Variants in RAP1GAP2 observed in about 807,000 individuals in gnomAD.
RAP1GAP2 encodes the protein RAP1 GTPase activating protein 2.
Under a neutral mutation model 95.0 loss-of-function variants are expected in RAP1GAP2, and 27 were observed. That is an observed-to-expected ratio of 0.28 (90% confidence interval 0.21 to 0.39). RAP1GAP2 has a LOEUF of 0.39. Among genes scored for constraint, RAP1GAP2 ranks in the 10% least tolerant of loss-of-function variants. The pLI is 1.00. For synonymous variants in RAP1GAP2, 373 were observed against 380.9 expected, an observed-to-expected ratio of 0.98 and a Z score of 0.24; for missense variants, 771 against 970.0, an observed-to-expected ratio of 0.79 and a Z score of 2.72.
chr17:2,961,642 C>T (rs2151482548), intron 4 of RAP1GAP2, among the ~76,000 whole-genome samples: 1 of 152,348 alleles, frequency 6.6e-6, no homozygotes, highest in Middle Eastern at 3.4e-3. Flanking sequence ...TCCTTGCAGT[C>T]ATCCTTCCAT....
At chr17:2,774,798 C>T (rs1348995476), upstream of RAP1GAP2, among the ~76,000 whole-genome samples, 2 of 147,676 alleles carry the variant, frequency 1.4e-5, no homozygotes, top group Non-Finnish European at 3.0e-5. Context: ...AGCCACCATA[C>T]CTGGCCTCCC....
At chr17:2,770,086 A>C (rs1271061822) in intron 1 of RAP1GAP2, among the ~76,000 whole-genome samples, 2 of 150,618 alleles carry the variant, frequency 1.3e-5, no homozygotes, top group Non-Finnish European at 2.9e-5. Flanking sequence ...ACAAAAAAAA[A>C]AAAAAAAAGA....
intron 3 of RAP1GAP2, among the ~76,000 whole-genome samples, chr17:2,905,932 A>C (rs2151732959): frequency 6.6e-6 from 1 of 152,296 alleles, no homozygotes; most frequent in South Asian, 2.1e-4. Context: ...CCTGGACGGG[A>C]GCCGAGGGAG....
chr17:2,912,833 G>C (rs2042434840), intron 3 of RAP1GAP2, among the ~76,000 whole-genome samples: 1 of 152,174 alleles, frequency 6.6e-6, no homozygotes, highest in Admixed American at 6.5e-5. Flanking sequence ...GCATGAGGAA[G>C]GGCTTATTTG....
At chr17:2,829,659 G>A (rs1337199118) in intron 2 of RAP1GAP2, among the ~76,000 whole-genome samples, 4 of 152,200 alleles carry the variant, frequency 2.6e-5, no homozygotes, top group East Asian at 1.9e-4. Context: ...CCTATACTCC[G>A]TGCTCTGTGA....
At chr17:2,849,460 TC>T (rs1244675334) in intron 2 of RAP1GAP2, among the ~76,000 whole-genome samples, 1 of 152,222 alleles carries the variant, frequency 6.6e-6, no homozygotes, top group East Asian at 1.9e-4. Context: ...TGGAGCCGGT[TC>T]CCAGGCACAG....
At position 2,801,140 on chromosome 17, in the gene RAP1GAP2, G is replaced by A. The variant is rs368122220; in HGVS notation, c.80+590G>A. 9.9e-5 allele frequency among the ~76,000 whole-genome samples: 15 copies of A among 151,216 alleles called. 1 individual carries two copies. The highest frequency in any genetic ancestry group is 5.9e-4 in the Admixed American group (9 of 15,234). ...TGGGATTATAGGCGTGAGCCACTGC[G>A]CCTAGCCCAGACCCATTATCTTCCT... On this transcript the variant is annotated intron_variant, in intron 2 of 24. Coordinates refer to ENST00000254695, the MANE Select transcript of RAP1GAP2 (RefSeq NM_015085.5).
chr17:2,846,806 A>G (rs1318300130), intron 2 of RAP1GAP2, among the ~76,000 whole-genome samples: 1 of 152,116 alleles, frequency 6.6e-6, no homozygotes, highest in Non-Finnish European at 1.5e-5. Flanking sequence ...ACTGCAGCAT[A>G]TGTATTTTTA....
At chr17:2,889,566 G>C (rs1190904713) in intron 2 of RAP1GAP2, among the ~76,000 whole-genome samples, 1 of 152,106 alleles carries the variant, frequency 6.6e-6, no homozygotes, top group African/African-American at 2.4e-5. Flanking sequence ...GCCATGGCCA[G>C]ATTCCAGTAT....
At chr17:2,775,885 A>G (rs9901621), upstream of RAP1GAP2, among the ~76,000 whole-genome samples, 46,990 of 152,030 alleles carry the variant, frequency 0.31, 7,469 homozygotes, top group Non-Finnish European at 0.35. Flanking sequence ...GAGTGCATGA[A>G]TGAAAGTTCC....
intron 2 of RAP1GAP2, among the ~76,000 whole-genome samples, chr17:2,834,829 C>T (rs2151555726): frequency 6.6e-6 from 1 of 152,190 alleles, no homozygotes; most frequent in Non-Finnish European, 1.5e-5. Flanking sequence ...ATCTGGTCCT[C>T]TGCCTCAGTT....
intron 8 of RAP1GAP2, among the ~76,000 whole-genome samples, chr17:2,971,244 A>G (rs79722763): frequency 0.055 from 8,309 of 152,330 alleles, 646 homozygotes; most frequent in African/African-American, 0.17. Context: ...AATGATTTAA[A>G]AAAACCACTA....
intron 3 of RAP1GAP2, among the ~76,000 whole-genome samples, chr17:2,927,794 C>T (rs182805738): frequency 3.5e-4 from 54 of 152,318 alleles, no homozygotes; most frequent in Admixed American, 7.2e-4. Context: ...AAACGCTAGC[C>T]GGCCCACCGC....
rs1305892220 is a variant in RAP1GAP2 at position 2,817,000 on chromosome 17, T to C, written c.80+16450T>C. ...GAATTTCCTTTTTTTTTTTTTTTTT[T>C]TTTTTGAGATGGGGTCTTGCTCTGT... On this transcript the variant is annotated intron_variant, in intron 2 of 24. Coordinates refer to ENST00000254695, the MANE Select transcript of RAP1GAP2 (RefSeq NM_015085.5). Among the ~76,000 whole-genome samples, 18 of 102,022 alleles carry C rather than the reference T, an allele frequency of 1.8e-4. 4 individuals are homozygous for C. Among genetic ancestry groups the C allele is most frequent in the Non-Finnish European group, 3.8e-4 (16 of 42,472 alleles). 66.9% of individuals were successfully genotyped at this position (102,022 alleles called of 152,430 possible).
chr17:2,896,028 C>T (rs889934278), intron 2 of RAP1GAP2, among the ~76,000 whole-genome samples: 2 of 152,146 alleles, frequency 1.3e-5, no homozygotes, highest in Non-Finnish European at 1.5e-5. Flanking sequence ...CCGTAGGTCA[C>T]TGCTGGCCTC....
Position 2,981,229 on chromosome 17 carries a change from A to T in RAP1GAP2, c.710A>T (p.Asn237Ile). ...GATGATGCAGTGGGACTGAGATTCAATCCTGTCCTGTACCCCAAGGTAAGG... is the reference window on the plus strand; with the variant it reads ...GATGATGCAGTGGGACTGAGATTCATTCCTGTCCTGTACCCCAAGGTAAGG... ...FCDDAVGLRF[N>I]PVLYPKASQM... Residue 237 changes from asparagine to isoleucine, a missense_variant, in exon 10 of 25, where the codon AAT becomes ATT. Transcript: ENST00000254695. 2 of 1,612,296 alleles carry T rather than the reference A, an allele frequency of 1.2e-6. No individual in the cohort carries two copies. The highest frequency in any genetic ancestry group is 8.5e-7 in the Non-Finnish European group (1 of 1,179,164).
At chr17:2,986,676 C>A (rs112648636) in intron 11 of RAP1GAP2, among the ~76,000 whole-genome samples, 1 of 151,994 alleles carries the variant, frequency 6.6e-6, no homozygotes, top group Non-Finnish European at 1.5e-5. Context: ...ACCTAACTCT[C>A]GTGTTTGCTG....
At chr17:2,950,198 C>T (rs532325405) in intron 3 of RAP1GAP2, among the ~76,000 whole-genome samples, 53 of 152,064 alleles carry the variant, frequency 3.5e-4, no homozygotes, top group Non-Finnish European at 7.2e-4. Flanking sequence ...AGATCACAGG[C>T]CTGTGCCACC....
chr17:2,888,817 A>ATTTT (rs58533003), intron 2 of RAP1GAP2, among the ~76,000 whole-genome samples: 2 of 130,496 alleles, frequency 1.5e-5, no homozygotes, highest in Non-Finnish European at 3.3e-5. Context: ...CGCCCAGCTA[A>ATTTT]TTTTTTTTTT....
Sources: allele counts gnomAD v4.1 joint callset (sites outside exome capture counted in the v4.1 genomes callset), GRCh38; gene constraint gnomAD v4.1.1; transcripts MANE v1.5; gene names NCBI Gene and HGNC (gene_info 2026-07-23, HGNC 2026-07-21).